SLC24A3: variants seen among roughly 807,000 people sequenced by gnomAD.
SLC24A3 encodes the protein solute carrier family 24 member 3, also known as sodium/potassium/calcium exchanger 3.
A neutral mutation model predicts 75.8 loss-of-function variants in SLC24A3; 28 were observed. The observed-to-expected ratio is 0.37, with a 90% CI of 0.27 to 0.51. SLC24A3 has a LOEUF of 0.51. Ranked by LOEUF, SLC24A3 falls within the 20% of genes least tolerant of loss-of-function variation. The pLI is 0.94. For synonymous variants in SLC24A3, 372 were observed against 334.1 expected (o/e 1.11, Z -1.24); for missense variants, 663 against 847.8 (o/e 0.78, Z 2.71).
Position 19,314,277 on chromosome 20 carries a change from ATTTATTTTATTTTAT to A in SLC24A3, c.271+33229_271+33243del, listed in dbSNP as rs11474596. Among the ~76,000 whole-genome samples, 312 of 126,476 alleles carry A rather than the reference ATTTATTTTATTTTAT, an allele frequency of 2.5e-3. 2 individuals carry two copies. The highest frequency in any genetic ancestry group is 8.2e-3 in the East Asian group (37 of 4,494). 83.0% of individuals were successfully genotyped at this position (126,476 alleles called of 152,430 possible). ...AAATCCTCTTTTTTTGTTTTTATTT[ATTTATTTTATTTTAT>A]TTTATTTTATTTTATTTTATTTTAT... On this transcript the variant is annotated intron_variant, in intron 2 of 16. Transcript: ENST00000328041.
chr20:19,538,584 C>A (rs955963286), intron 3 of SLC24A3, among the ~76,000 whole-genome samples: 5 of 152,134 alleles, frequency 3.3e-5, no homozygotes, highest in African/African-American at 9.7e-5. Context: ...CCACTATACA[C>A]CCACCAACAT....
intron 3 of SLC24A3, among the ~76,000 whole-genome samples, chr20:19,578,826 G>T (rs936151476): frequency 1.3e-5 from 2 of 152,104 alleles, no homozygotes; most frequent in Non-Finnish European, 2.9e-5. Context: ...AAGAGGCAGG[G>T]TGGACACCTG....
intron 2 of SLC24A3, among the ~76,000 whole-genome samples, chr20:19,494,134 GCC>G (rs11087287): frequency 6.6e-6 from 1 of 152,188 alleles, no homozygotes; most frequent in Non-Finnish European, 1.5e-5. Flanking sequence ...CGGCCACCAG[GCC>G]CCATGTGCCC....
chr20:19,669,779 T>G lies in SLC24A3; in HGVS notation c.714-3822T>G, dbSNP rs76977391. Among the ~76,000 whole-genome samples, 90 of 152,156 alleles carry G rather than the reference T, an allele frequency of 5.9e-4. 2 individuals carry two copies. The East Asian group carries it at 0.016, about 26-fold the overall frequency. The stretch of plus-strand genomic sequence containing the variant: ...CAGCTTTTGCTGTTCTGGGATGTGT[T>G]CAGGAAACCAGAGCCAACAGTGTAC... On this transcript the variant is annotated intron_variant, in intron 8 of 16. Transcript: ENST00000328041.
intron 2 of SLC24A3, among the ~76,000 whole-genome samples, chr20:19,383,023 TA>T (rs1335041451): frequency 6.6e-6 from 1 of 152,204 alleles, no homozygotes; most frequent in Non-Finnish European, 1.5e-5. Context: ...TGATCTCTTT[TA>T]AAAGTGATTC....
intron 2 of SLC24A3, among the ~76,000 whole-genome samples, chr20:19,318,702 T>G (rs146864780): frequency 2.3e-4 from 35 of 152,140 alleles, no homozygotes; most frequent in Admixed American, 5.2e-4. Flanking sequence ...GCTGTGCACC[T>G]GAGACACTTA....
At position 19,248,460 on chromosome 20, in the gene SLC24A3, A is replaced by G. The variant is rs367573445; in HGVS notation, c.143-32499A>G. Among the ~76,000 whole-genome samples, 313 of 152,372 alleles carry G rather than the reference A, an allele frequency of 2.1e-3. 9 individuals are homozygous for G. The South Asian group carries it at 0.058, about 28-fold the overall frequency. On this transcript the variant is annotated intron_variant, in intron 1 of 16. Coordinates refer to ENST00000328041, the MANE Select transcript of SLC24A3 (RefSeq NM_020689.4). ...GGTTATAAAGCATAGTAAAGTGGAA[A>G]ATAGTGAAACTAATATTCAGTCAGT...
chr20:19,286,340 G>A (rs939377362), intron 2 of SLC24A3, among the ~76,000 whole-genome samples: 7 of 152,086 alleles, frequency 4.6e-5, no homozygotes, highest in South Asian at 4.2e-4. Context: ...GGTGCCTGTG[G>A]TCCATAAACA....
intron 2 of SLC24A3, among the ~76,000 whole-genome samples, chr20:19,330,719 C>T (rs1053747280): frequency 7.2e-5 from 11 of 152,168 alleles, no homozygotes; most frequent in Non-Finnish European, 1.5e-4. Context: ...TAAAAGTCAT[C>T]AGTAGATGCA....
At chr20:19,304,303 C>T (rs1395531431) in intron 2 of SLC24A3, among the ~76,000 whole-genome samples, 1 of 152,130 alleles carries the variant, frequency 6.6e-6, no homozygotes, top group Non-Finnish European at 1.5e-5. Context: ...TGGCTCTGTT[C>T]CTTGCTATTG....
At chr20:19,685,487 A>T (rs1280814161) in intron 12 of SLC24A3, 126 bp downstream of exon 12, 4 of 1,436,132 alleles carry the variant, frequency 2.8e-6, no homozygotes, top group African/African-American at 1.4e-5. Flanking sequence ...GAGACTATGT[A>T]TATCAAGTCT....
At chr20:19,674,094 C>T (rs994524007) in intron 9 of SLC24A3, among the ~76,000 whole-genome samples, 1 of 152,196 alleles carries the variant, frequency 6.6e-6, no homozygotes, top group Non-Finnish European at 1.5e-5. Flanking sequence ...CTAGGGCTTG[C>T]TTGTGAAGGG....
intron 2 of SLC24A3, among the ~76,000 whole-genome samples, chr20:19,494,986 G>T (rs1988262014): frequency 6.6e-6 from 1 of 152,200 alleles, no homozygotes; most frequent in South Asian, 2.1e-4. Context: ...AGGCAACAAA[G>T]GAGTGGTGTT....
chr20:19,409,830 A>AAT (rs1426112469), intron 2 of SLC24A3, among the ~76,000 whole-genome samples: 2 of 146,234 alleles, frequency 1.4e-5, no homozygotes, highest in Non-Finnish European at 3.0e-5. Flanking sequence ...GAATATATAT[A>AAT]ATATGTGTGT....
intron 16 of SLC24A3, among the ~76,000 whole-genome samples, chr20:19,719,469 T>G (rs746264895): frequency 2.0e-5 from 3 of 151,410 alleles, no homozygotes; most frequent in Non-Finnish European, 4.4e-5. Context: ...CAGGGTGGAG[T>G]TGACCTCACT....
chr20:19,335,922 A>G (rs1193251726), intron 2 of SLC24A3, among the ~76,000 whole-genome samples: 1 of 152,208 alleles, frequency 6.6e-6, no homozygotes, highest in Admixed American at 6.5e-5. Context: ...GACATTGCTA[A>G]TCAATCACAG....
chr20:19,645,196 C>T (rs1046068831), intron 6 of SLC24A3, among the ~76,000 whole-genome samples: 1 of 152,120 alleles, frequency 6.6e-6, no homozygotes, highest in Non-Finnish European at 1.5e-5. Flanking sequence ...TTCAATAAAT[C>T]AGTTTCCTAG....
At chr20:19,461,507 G>A (rs1466283945) in intron 2 of SLC24A3, among the ~76,000 whole-genome samples, 3 of 148,144 alleles carry the variant, frequency 2.0e-5, no homozygotes, top group South Asian at 2.2e-4. Flanking sequence ...ACTTGTCTAC[G>A]TCCTTTTCTT....
chr20:19,340,866 G>GCAACTGTGCACAAATGATAACA (rs1470761072), intron 2 of SLC24A3, among the ~76,000 whole-genome samples: 1 of 152,200 alleles, frequency 6.6e-6, no homozygotes, highest in Non-Finnish European at 1.5e-5. Flanking sequence ...GGTAATTTGT[G>GCAACTGTGCACAAATGATAACA]TGCAGATCAC....
Sources: gnomAD v4.1 joint callset for allele counts (sites outside exome capture counted in the v4.1 genomes callset) on GRCh38, gnomAD v4.1.1 for gene constraint, MANE v1.5 for transcripts, NCBI Gene and HGNC (gene_info 2026-07-23, HGNC 2026-07-21) for gene names.